The following RBFOX1 variants were observed in gnomAD, a reference collection of about 807,000 sequenced individuals.
RBFOX1 encodes the protein RNA binding fox-1 homolog 1.
A neutral mutation model predicts 57.7 loss-of-function variants in RBFOX1; 8 were observed. The observed-to-expected ratio is 0.14, with a 90% CI of 0.08 to 0.25. RBFOX1 has a LOEUF of 0.25. Among genes scored for constraint, RBFOX1 ranks in the 10% least tolerant of loss-of-function variants. The pLI is 1.00. For missense variants in RBFOX1, 611 were observed against 548.5 expected (o/e 1.11, Z -1.14); for synonymous variants, 326 against 222.4 (o/e 1.47, Z -4.15).
intron 14 of RBFOX1, among the ~76,000 whole-genome samples, chr16:7,690,664 C>G (rs1461524890): frequency 1.6e-5 from 1 of 62,234 alleles, no homozygotes; most frequent in East Asian, 5.4e-4. Flanking sequence ...CTGCATTGTT[C>G]TGATCTTTTA....
At chr16:5,868,311 AG>A (rs1280610559) in intron 4 of RBFOX1, among the ~76,000 whole-genome samples, 3,895 of 152,272 alleles carry the variant, frequency 0.026, 148 homozygotes, top group African/African-American at 0.087. Flanking sequence ...AAGCATGTGG[AG>A]GTATTTATAT....
intron 3 of RBFOX1, among the ~76,000 whole-genome samples, chr16:7,027,636 C>A (rs542034963): frequency 6.6e-6 from 1 of 152,236 alleles, no homozygotes; most frequent in East Asian, 1.9e-4. Flanking sequence ...TCCCCCAAGC[C>A]CAACTTTCAT....
At chr16:6,894,882 C>T (rs1009017536) in intron 3 of RBFOX1, among the ~76,000 whole-genome samples, 1 of 152,138 alleles carries the variant, frequency 6.6e-6, no homozygotes, top group Non-Finnish European at 1.5e-5. Context: ...ATGGATGTTT[C>T]ATAAGTAGCA....
chr16:6,376,205 G>A (rs370439708), intron 2 of RBFOX1, among the ~76,000 whole-genome samples: 11 of 152,076 alleles, frequency 7.2e-5, no homozygotes, highest in African/African-American at 2.7e-4. Flanking sequence ...AGGATCCTTG[G>A]GATCACTGGC....
chr16:5,489,607 A>G (rs2042758390), intron 2 of RBFOX1, among the ~76,000 whole-genome samples: 1 of 152,150 alleles, frequency 6.6e-6, no homozygotes, highest in Admixed American at 6.5e-5. Context: ...GTAAGTCCTT[A>G]CATATTAGCT....
chr16:7,701,413 G>A (rs1444845861), intron 14 of RBFOX1, among the ~76,000 whole-genome samples: 1 of 152,132 alleles, frequency 6.6e-6, no homozygotes, highest in Non-Finnish European at 1.5e-5. Flanking sequence ...ATTCTCATGG[G>A]AGCACCAACC....
chr16:7,524,598 C>A (rs576866464), intron 5 of RBFOX1, among the ~76,000 whole-genome samples: 2 of 152,310 alleles, frequency 1.3e-5, no homozygotes, highest in South Asian at 2.1e-4. Flanking sequence ...CGGCTCCCAC[C>A]ACTTTCCCAC....
intron 4 of RBFOX1, among the ~76,000 whole-genome samples, chr16:7,210,117 C>T (rs2090829363): frequency 6.6e-6 from 1 of 152,144 alleles, no homozygotes; most frequent in South Asian, 2.1e-4. Flanking sequence ...TGTCAACCTG[C>T]CCTGCAATTG....
chr16:7,095,676 C>A (rs1239500727), intron 4 of RBFOX1, among the ~76,000 whole-genome samples: 3 of 152,072 alleles, frequency 2.0e-5, no homozygotes, highest in Non-Finnish European at 4.4e-5. Context: ...TTGGTAAGGT[C>A]TTGGTTGATC....
intron 5 of RBFOX1, among the ~76,000 whole-genome samples, chr16:7,557,869 T>C (rs2089185796): frequency 6.6e-6 from 1 of 152,008 alleles, no homozygotes; most frequent in Non-Finnish European, 1.5e-5. Context: ...ATCATGGCCA[T>C]TGCAAGATAC....
intron 4 of RBFOX1, among the ~76,000 whole-genome samples, chr16:7,500,310 A>G (rs2070304768): frequency 3.3e-5 from 5 of 152,166 alleles, no homozygotes. Flanking sequence ...ACATACTTAC[A>G]AAGTAGTAGG....
rs190214970 is a variant in RBFOX1 at position 5,812,226 on chromosome 16, C to T, written c.319-55077C>T. Reference sequence around the variant, plus strand: ...ACTTGGTTTATTTACAGGGTTTGGTCGTTACAAATAATGCGGATATGAACA... The same window carrying T: ...ACTTGGTTTATTTACAGGGTTTGGTTGTTACAAATAATGCGGATATGAACA... On this transcript the variant is annotated intron_variant, in intron 3 of 19. Coordinates refer to the RBFOX1 transcript ENST00000641259. Among the ~76,000 whole-genome samples, 319 of 152,218 alleles carry T rather than the reference C, an allele frequency of 2.1e-3. 3 individuals carry two copies. The highest frequency in any genetic ancestry group is 0.013 in the South Asian group (62 of 4,828).
chr16:6,421,927 T>A (rs1567235528), intron 2 of RBFOX1, among the ~76,000 whole-genome samples: 1 of 125,994 alleles, frequency 7.9e-6, no homozygotes, highest in Non-Finnish European at 1.8e-5. Context: ...AGACCTTTTT[T>A]TTTTTTTTTT....
intron 3 of RBFOX1, among the ~76,000 whole-genome samples, chr16:7,030,065 G>A (rs770492204): frequency 6.7e-6 from 1 of 150,200 alleles, no homozygotes; most frequent in Non-Finnish European, 1.5e-5. Flanking sequence ...AAAGTATGTG[G>A]GAAAGTAAAA....
intron 3 of RBFOX1, among the ~76,000 whole-genome samples, chr16:6,752,461 A>G (rs1042277984): frequency 6.6e-6 from 1 of 152,216 alleles, no homozygotes; most frequent in Non-Finnish European, 1.5e-5. Context: ...TAGAGATGGA[A>G]TATGACATGC....
rs115174661 is a variant in RBFOX1 at position 5,741,970 on chromosome 16, A to G, written c.319-125333A>G. Among the ~76,000 whole-genome samples, 433 of 152,312 alleles carry G rather than the reference A, an allele frequency of 2.8e-3. 2 individuals are homozygous for G. The highest frequency in any genetic ancestry group is 0.01 in the African/African-American group (423 of 41,564). On this transcript the variant is annotated intron_variant, in intron 3 of 19. Coordinates refer to the RBFOX1 transcript ENST00000641259. ...TCATGATAATGCTATCATTGACTAG[A>G]AATACTCCTCTCTTCTCAGTCTTTT...
intron 1 of RBFOX1, among the ~76,000 whole-genome samples, chr16:5,449,916 G>A (rs2341492): frequency 0.66 from 100,169 of 152,064 alleles, 33,146 homozygotes; most frequent in African/African-American, 0.72. Flanking sequence ...CCCACCTCTA[G>A]CTTTGTACAT....
chr16:6,710,212 G>T (rs1978291), intron 3 of RBFOX1, among the ~76,000 whole-genome samples: 1 of 152,064 alleles, frequency 6.6e-6, no homozygotes, highest in African/African-American at 2.4e-5. Context: ...TGAAATGTTT[G>T]TCACTTATTT....
chr16:5,878,326 T>C (rs189277712), intron 4 of RBFOX1, among the ~76,000 whole-genome samples: 7 of 152,308 alleles, frequency 4.6e-5, no homozygotes, highest in Non-Finnish European at 1.0e-4. Flanking sequence ...GTATTGTATA[T>C]AAATTACCTC....
Sources: allele counts gnomAD v4.1 joint callset (sites outside exome capture counted in the v4.1 genomes callset), GRCh38; gene constraint gnomAD v4.1.1; transcripts MANE v1.5; gene names NCBI Gene and HGNC (gene_info 2026-07-23, HGNC 2026-07-21).